Variants in CPLANE1 observed in about 807,000 individuals in gnomAD.
CPLANE1 encodes the protein ciliogenesis and planar polarity effector 1.
In CPLANE1, 263 loss-of-function variants were observed where a neutral mutation model predicts 362.5. The ratio of observed to expected loss-of-function variants is 0.73; its 90% CI spans 0.66 to 0.80. CPLANE1 has a LOEUF of 0.80. Ranked by LOEUF, CPLANE1 falls within the 30% of genes least tolerant of loss-of-function variation. The probability of loss-of-function intolerance (pLI) is 0.00; values close to 1 mark genes in which losing one functional copy is unlikely to be tolerated. For missense variants in CPLANE1, 3,461 were observed against 3,793.4 expected (o/e 0.91, Z 2.30); for synonymous variants, 1,212 against 1,302.6 (o/e 0.93, Z 1.50).
At chr5:37,179,522 T>C in intron 28 of CPLANE1, 79 bp from the exon 29 acceptor site, 1 of 870,806 alleles carries the variant, frequency 1.1e-6, no homozygotes. Flanking sequence ...TCAGGGAATA[T>C]TACCAGAAAC....
At chr5:37,195,660 T>A (rs138136837) in intron 21 of CPLANE1, among the ~76,000 whole-genome samples, 198 bp downstream of exon 21, 1 of 149,694 alleles carries the variant, frequency 6.7e-6, no homozygotes, top group Non-Finnish European at 1.5e-5. Flanking sequence ...GTATCACAAT[T>A]TGTTTATATA....
At chr5:37,094,938 T>C in the CPLANE1 span, among the ~76,000 whole-genome samples, 1 of 152,044 alleles carries the variant, frequency 6.6e-6, no homozygotes, top group African/African-American at 2.4e-5. Flanking sequence ...GAAATGGTAA[T>C]TTAAAAATTA....
chr5:37,146,939 T>C (rs1771815297), intron 43 of CPLANE1, among the ~76,000 whole-genome samples: 1 of 152,182 alleles, frequency 6.6e-6, no homozygotes, highest in Admixed American at 6.5e-5. Flanking sequence ...GGGTTATTAC[T>C]TAATGATAAA....
Position 37,230,888 on chromosome 5 carries a change from A to C in CPLANE1, c.1100T>G (p.Leu367Arg). The change falls in exon 9 of 53, where the codon CTT (leucine) becomes CGT (arginine). Residue 367 changes from leucine to arginine, a missense_variant. Leu to Arg is a moderately radical substitution (Grantham distance 102). Coordinates refer to ENST00000651892, the MANE Select transcript of CPLANE1 (RefSeq NM_001384732.1). ...IEFGPAEFIP[L>R]HPLITYRPQQ... ...TCACCTATACGTTATTAGTGGATGA[A>C]GAGGAATAAATTCTGCTGGGCCAAA... 6.5e-7 allele frequency: 1 copy of C among 1,538,426 alleles called. No individual in the cohort carries two copies. Among genetic ancestry groups the C allele is most frequent in the East Asian group, 2.5e-5 (1 of 40,544 alleles).
chr5:37,215,380 C>A (rs1793762663), intron 15 of CPLANE1, among the ~76,000 whole-genome samples: 1 of 152,074 alleles, frequency 6.6e-6, no homozygotes, highest in African/African-American at 2.4e-5. Context: ...ACTTTCCTTT[C>A]TCTGGCTTAC....
chr5:37,181,092 A>G (rs1782555077), intron 26 of CPLANE1, 87 bp from the exon 27 acceptor site: 1 of 1,085,292 alleles, frequency 9.2e-7, no homozygotes, highest in South Asian at 1.6e-5. Flanking sequence ...TTCTACAGGA[A>G]TTCTGAATAA....
chr5:37,136,448 C>T (rs1251660570), intron 46 of CPLANE1, among the ~76,000 whole-genome samples: 1 of 152,200 alleles, frequency 6.6e-6, no homozygotes, highest in East Asian at 1.9e-4. Context: ...GCTGCTTTCA[C>T]AGCCAGCATT....
intron 14 of CPLANE1, among the ~76,000 whole-genome samples, chr5:37,222,511 C>T (rs889590288): frequency 2.6e-5 from 4 of 152,144 alleles, no homozygotes; most frequent in Non-Finnish European, 4.4e-5. Flanking sequence ...CTTCTGCCCT[C>T]CTTTCACAAA....
Position 37,167,161 on chromosome 5 carries a change from C to T in CPLANE1, c.7286G>A (p.Ser2429Asn), listed in dbSNP as rs866002708. ...PLENLIAFKQ[S>N]QQKLTHNLFE... ...TAAATTATGTGTTAGTTTCTGTTGG[C>T]TTTGTTTAAACGCAATGAGGTTTTC... The change falls in exon 35 of 53, where the codon AGC becomes AAC. Residue 2429 changes from serine to asparagine, a missense_variant. This residue lies in a region of CPLANE1 where 3,380 missense variants were observed against 3,666.1 expected (regional missense o/e 0.92). Coordinates refer to ENST00000651892, the MANE Select transcript of CPLANE1 (RefSeq NM_001384732.1). The T allele has an allele frequency of 8.7e-6, 14 of 1,613,282 alleles. No individual in the cohort carries two copies. The Middle Eastern group carries it at 1.7e-3, about 190-fold the overall frequency.
At chr5:37,196,234 T>G (rs764712344) in intron 20 of CPLANE1, among the ~76,000 whole-genome samples, 1 of 151,452 alleles carries the variant, frequency 6.6e-6, no homozygotes, top group Non-Finnish European at 1.5e-5. Flanking sequence ...CAATTTTGCC[T>G]GTATAAGAAG....
At chr5:37,076,113 A>G in the CPLANE1 span, among the ~76,000 whole-genome samples, 1 of 151,976 alleles carries the variant, frequency 6.6e-6, no homozygotes, top group South Asian at 2.1e-4. Flanking sequence ...AAAATTAGCC[A>G]GGCATGGTGG....
intron 15 of CPLANE1, among the ~76,000 whole-genome samples, chr5:37,220,213 C>T (rs74342229): frequency 0.034 from 5,193 of 151,430 alleles, 311 homozygotes; most frequent in African/African-American, 0.12. Flanking sequence ...ATCACTCAAC[C>T]ACACTCCAGC....
chr5:37,081,515 G>A, the CPLANE1 span, among the ~76,000 whole-genome samples: 1 of 151,892 alleles, frequency 6.6e-6, no homozygotes, highest in African/African-American at 2.4e-5. Flanking sequence ...TAGAGATGGG[G>A]TTTCACCATG....
chr5:37,205,390 GT>G lies in CPLANE1; in HGVS notation c.3213del (p.Lys1071AsnfsTer6), dbSNP rs1790417392. On this transcript the variant is annotated frameshift_variant, in exon 18 of 53. Transcript: ENST00000651892. The part of the protein sequence containing the change: ...RMTPAQIFQE[K>X]LQCVLGQPAS... The stretch of plus-strand genomic sequence containing the variant: ...GCTGGTTGACCTAAAACACACTGCA[GT>G]TTTTCCTGAAAAATCTGTGCTGGAG... 1.3e-6 allele frequency: 2 copies of G among 1,550,606 alleles called. No homozygotes were observed. Among genetic ancestry groups the G allele is most frequent in the Non-Finnish European group, 1.7e-6 (2 of 1,146,452 alleles).
chr5:37,162,200 T>C (rs1446399860), intron 38 of CPLANE1, among the ~76,000 whole-genome samples: 1 of 152,180 alleles, frequency 6.6e-6, no homozygotes, highest in Admixed American at 6.5e-5. Context: ...ATCAATAACA[T>C]AGAGAATCCA....
At chr5:37,212,270 G>A (rs577834871) in intron 16 of CPLANE1, 1 of 1,334,788 alleles carries the variant, frequency 7.5e-7, no homozygotes, top group Admixed American at 1.7e-5. Context: ...CGGCAGATAA[G>A]AGCTCAAAAA....
chr5:37,080,040 T>C, the CPLANE1 span, among the ~76,000 whole-genome samples: 2 of 152,366 alleles, frequency 1.3e-5, no homozygotes, highest in East Asian at 3.9e-4. Context: ...TCTTCGTGTC[T>C]TGAAGATGAG....
intron 15 of CPLANE1, among the ~76,000 whole-genome samples, chr5:37,219,340 C>T (rs1794850660): frequency 6.6e-6 from 1 of 151,988 alleles, no homozygotes; most frequent in South Asian, 2.1e-4. Flanking sequence ...CCAGCCTGAC[C>T]AACATGGTGA....
rs1775715277 is a variant in CPLANE1, at chr5:37,158,149, A to G, written c.7812+75T>C. ...TTTTTAACCTCATTTCATCTACCCAATTGAATAATGTCTACATGACCATAA... is the reference window on the plus strand; with the variant it reads ...TTTTTAACCTCATTTCATCTACCCAGTTGAATAATGTCTACATGACCATAA... On this transcript the variant is annotated intron_variant, in intron 39 of 52. Transcript: ENST00000651892. 4.0e-6 allele frequency: 6 copies of G among 1,486,774 alleles called. No homozygotes were observed. In the Admixed American group the frequency reaches 5.4e-5, roughly 13 times the overall value. 92.1% of individuals were successfully genotyped at this position (1,486,774 alleles called of 1,614,324 possible).
Sources: gnomAD v4.1 joint callset for allele counts (sites outside exome capture counted in the v4.1 genomes callset) on GRCh38, gnomAD v4.1.1 for gene constraint, gnomAD v4.1.1 regional missense constraint, MANE v1.5 for transcripts, NCBI Gene and HGNC (gene_info 2026-07-23, HGNC 2026-07-21) for gene names.